Variants in AFF2 observed in about 807,000 individuals in gnomAD.
The protein encoded by AFF2 is ALF transcription elongation factor 2.
Under a neutral mutation model 76.9 loss-of-function variants are expected in AFF2, and 14 were observed. The observed-to-expected ratio is 0.18, with a 90% confidence interval of 0.12 to 0.28. The LOEUF (loss-of-function observed/expected upper bound fraction) is 0.28. Among genes scored for constraint, AFF2 ranks in the 10% least tolerant of loss-of-function variants. The pLI is 1.00. For synonymous variants in AFF2, 398 were observed against 366.7 expected (o/e 1.09, Z -0.98); for missense variants, 868 against 1,001.1 (o/e 0.87, Z 1.79).
Position 148,995,136 on chromosome X carries a change from C to T in AFF2, c.*3804C>T, listed in dbSNP as rs1040444773. ...ATGACTGGCAGACTAAATTCTTCAT[C>T]GTTGTTGTTATTGTTGTTGTTGTTT... On this transcript the variant is annotated 3_prime_UTR_variant, in exon 21 of 21. Transcript: ENST00000370460. 2 of 111,519 alleles carry T rather than the reference C, an allele frequency of 1.8e-5. No homozygotes were observed. Among genetic ancestry groups the T allele is most frequent in the African/African-American group, 6.5e-5 (2 of 30,557 alleles). 9.2% of individuals were successfully genotyped at this position (111,519 alleles called of 1,213,427 possible). A position where few individuals can be genotyped will look rare whatever the true frequency, so the allele number is the denominator to read the frequency against.
chrX:148,910,586 A>T (rs1417628415), intron 9 of AFF2, among the ~76,000 whole-genome samples: 1 of 112,295 alleles, frequency 8.9e-6, no homozygotes, highest in Non-Finnish European at 1.9e-5. Context: ...GGGGGAGGAG[A>T]AAACATTTGC....
chrX:148,822,385 C>T (rs1439100099), intron 4 of AFF2: 2 of 111,376 alleles, frequency 1.8e-5, no homozygotes, highest in African/African-American at 6.5e-5. Context: ...CCAGCCAGAT[C>T]AGTTGAATCA....
At chrX:148,764,910 TG>T (rs1235842096) in intron 3 of AFF2, among the ~76,000 whole-genome samples, 5 of 112,416 alleles carry the variant, frequency 4.4e-5, no homozygotes, top group African/African-American at 1.6e-4. Context: ...ACCCCTTGAC[TG>T]GGGGACTTTT....
chrX:148,757,287 GC>G (rs1432383678), intron 3 of AFF2, among the ~76,000 whole-genome samples: 14 of 111,840 alleles, frequency 1.3e-4, no homozygotes, highest in Non-Finnish European at 7.5e-5. Flanking sequence ...AGACCATATA[GC>G]CCACAAAGCT....
Position 148,854,007 on chromosome X carries a change from T to C in AFF2, c.1262+10574T>C, listed in dbSNP as rs191258476. Among the ~76,000 whole-genome samples the C allele has an allele frequency of 5.8e-3, 655 of 112,329 alleles. 5 individuals are homozygous for C. Among genetic ancestry groups the C allele is most frequent in the African/African-American group, 0.02 (630 of 30,991 alleles). On this transcript the variant is annotated intron_variant, in intron 7 of 20. Transcript: ENST00000370460. ...ATGGGATTTGGGACTAGGTCTACCCTTTATCTTCATGCTTTTATGCAGCGC... is the reference window on the plus strand; with the variant it reads ...ATGGGATTTGGGACTAGGTCTACCCCTTATCTTCATGCTTTTATGCAGCGC...
At chrX:148,854,108 G>A (rs2070761430) in intron 7 of AFF2, among the ~76,000 whole-genome samples, 1 of 111,598 alleles carries the variant, frequency 9.0e-6, no homozygotes, top group Admixed American at 9.5e-5. Context: ...TAAAATTTCA[G>A]GTTGCTACTA....
intron 1 of AFF2, among the ~76,000 whole-genome samples, chrX:148,586,013 C>A (rs2053465469): frequency 9.0e-6 from 1 of 111,028 alleles, no homozygotes. Context: ...TTACTGTATG[C>A]TTGGCACTCA....
At chrX:148,629,985 A>G (rs2053963890) in intron 1 of AFF2, among the ~76,000 whole-genome samples, 2 of 111,462 alleles carry the variant, frequency 1.8e-5, no homozygotes, top group Admixed American at 1.9e-4. Flanking sequence ...TTAAAGGCAA[A>G]ATATACCCAG....
chrX:148,980,671 T>C, intron 18 of AFF2, 67 bp from the exon 19 acceptor site: 1 of 897,855 alleles, frequency 1.1e-6, no homozygotes, highest in Non-Finnish European at 1.6e-6. Context: ...CACTTCCATC[T>C]GTTTCTGAAT....
At chrX:148,639,474 C>T (rs997983434) in intron 1 of AFF2, among the ~76,000 whole-genome samples, 6 of 111,824 alleles carry the variant, frequency 5.4e-5, no homozygotes, top group Non-Finnish European at 1.1e-4. Flanking sequence ...TGTATTAAGG[C>T]CCAGTGCTAG....
At position 148,956,720 on chromosome X, in the gene AFF2, G is replaced by C. The variant is rs1252303688; in HGVS notation, c.2568+107G>C. The C allele has an allele frequency of 6.4e-6, 5 of 779,539 alleles. No individual in the cohort carries two copies. The African/African-American group carries it at 1.1e-4, about 16-fold the overall frequency. 64.2% of individuals were successfully genotyped at this position (779,539 alleles called of 1,213,427 possible). On this transcript the variant is annotated intron_variant, in intron 11 of 20. Transcript: ENST00000370460. ...AGGAAGCCAATGGCAGTGCATTGCA[G>C]ATTTTGGCAAAGGTGATGATGCTTT...
At chrX:148,626,196 T>C (rs2053923993) in intron 1 of AFF2, among the ~76,000 whole-genome samples, 1 of 110,834 alleles carries the variant, frequency 9.0e-6, no homozygotes, top group Non-Finnish European at 1.9e-5. Context: ...TCGGGTGGTA[T>C]TGTCTTAGAG....
At chrX:148,794,608 T>C (rs2069942905) in intron 3 of AFF2, among the ~76,000 whole-genome samples, 1 of 111,970 alleles carries the variant, frequency 8.9e-6, no homozygotes, top group Non-Finnish European at 1.9e-5. Flanking sequence ...GAGGCAACAT[T>C]CTCTCAAGAT....
Position 148,738,755 on chromosome X carries a change from G to A in AFF2, c.1042-71121G>A, listed in dbSNP as rs190326971. Among the ~76,000 whole-genome samples, 15 of 111,275 alleles carry A rather than the reference G, an allele frequency of 1.3e-4. No homozygotes were observed. In the East Asian group the frequency reaches 3.7e-3, roughly 28 times the overall value. ...TCAGACTTTTTGATGTAGGTGTTTA[G>A]GGCTATGAACTTTCCTCTTGGCACC... On this transcript the variant is annotated intron_variant, in intron 3 of 20. Transcript: ENST00000370460.
intron 1 of AFF2, among the ~76,000 whole-genome samples, chrX:148,648,561 CA>C (rs1241628949): frequency 0.05 from 1,143 of 23,035 alleles, 13 homozygotes; most frequent in African/African-American, 0.13. Context: ...AAAACTCCGT[CA>C]AAAAAAAAAA....
intron 9 of AFF2, among the ~76,000 whole-genome samples, chrX:148,911,781 G>A (rs186614754): frequency 4.8e-4 from 54 of 112,276 alleles, no homozygotes; most frequent in East Asian, 8.4e-4. Flanking sequence ...CTTGTACACC[G>A]CTGGTGGGAG....
chrX:148,902,443 A>C (rs2071364219), intron 8 of AFF2, among the ~76,000 whole-genome samples: 1 of 111,955 alleles, frequency 8.9e-6, no homozygotes, highest in African/African-American at 3.3e-5. Context: ...TCTTATTGCA[A>C]ACCAGCCAGG....
At chrX:148,590,463 C>A (rs1436281643) in intron 1 of AFF2, among the ~76,000 whole-genome samples, 1 of 111,528 alleles carries the variant, frequency 9.0e-6, no homozygotes, top group African/African-American at 3.3e-5. Flanking sequence ...AGGCCTCCCT[C>A]CCTTTCTTCC....
chrX:148,590,407 C>A (rs1213734696), intron 1 of AFF2, among the ~76,000 whole-genome samples: 1 of 111,407 alleles, frequency 9.0e-6, no homozygotes, highest in Non-Finnish European at 1.9e-5. Flanking sequence ...TGCTTCTGAT[C>A]GTCCACTAAG....
Sources: gnomAD v4.1 joint callset for allele counts (sites outside exome capture counted in the v4.1 genomes callset) on GRCh38, gnomAD v4.1.1 for gene constraint, MANE v1.5 for transcripts, NCBI Gene and HGNC (gene_info 2026-07-23, HGNC 2026-07-21) for gene names.